The following GLB1 variants were observed in gnomAD, a reference collection of about 807,000 sequenced individuals.
GLB1 encodes beta-galactosidase.
Under a neutral mutation model 74.0 loss-of-function variants are expected in GLB1, and 56 were observed. The ratio of observed to expected loss-of-function variants is 0.76; its 90% confidence interval spans 0.61 to 0.94. The LOEUF is 0.94. Among genes scored for constraint, GLB1 ranks in the 40% least tolerant of loss-of-function variants. GLB1 has a pLI of 0.00. For synonymous variants in GLB1, 323 were observed against 323.6 expected (o/e 1.00, Z 0.02); for missense variants, 787 against 845.5 (o/e 0.93, Z 0.86).
chr3:33,053,186 A>G (rs565750557), intron 7 of GLB1, among the ~76,000 whole-genome samples: 1 of 152,208 alleles, frequency 6.6e-6, no homozygotes, highest in Admixed American at 6.5e-5. Flanking sequence ...AATGGAGACA[A>G]TAAGACCACT....
chr3:33,068,373 G>A, intron 3 of GLB1, 83 bp from the exon 4 acceptor site: 1 of 1,572,200 alleles, frequency 6.4e-7, no homozygotes, highest in Non-Finnish European at 8.6e-7. Flanking sequence ...TAGTAGTTAT[G>A]GAAAAGAATA....
intron 15 of GLB1, among the ~76,000 whole-genome samples, chr3:33,005,237 A>G (rs1696739559): frequency 6.6e-6 from 1 of 152,192 alleles, no homozygotes; most frequent in African/African-American, 2.4e-5. Flanking sequence ...AGACACTCCT[A>G]CCACTCAGAA....
intron 15 of GLB1, among the ~76,000 whole-genome samples, chr3:33,006,032 T>C (rs910772932): frequency 7.2e-5 from 11 of 152,348 alleles, no homozygotes; most frequent in African/African-American, 2.4e-4. Context: ...GTCATGCACC[T>C]AAACCTACCA....
chr3:33,034,726 G>C, intron 10 of GLB1: 1 of 700,434 alleles, frequency 1.4e-6, no homozygotes, highest in African/African-American at 1.8e-5. Flanking sequence ...TGGTTGATGG[G>C]CAGTGGGTGT....
chr3:33,020,358 T>C (rs1697416255), intron 12 of GLB1, among the ~76,000 whole-genome samples: 1 of 152,138 alleles, frequency 6.6e-6, no homozygotes, highest in African/African-American at 2.4e-5. Flanking sequence ...CCACAGAAAA[T>C]CAGAAAGGAG....
chr3:33,060,268 A>G (rs528311004), intron 5 of GLB1, among the ~76,000 whole-genome samples: 149 of 152,354 alleles, frequency 9.8e-4, no homozygotes, highest in African/African-American at 3.5e-3. Context: ...ACGCATGCCC[A>G]GGACAGAGAC....
At chr3:33,038,252 G>GT (rs1230638262) in intron 10 of GLB1, among the ~76,000 whole-genome samples, 4 of 152,170 alleles carry the variant, frequency 2.6e-5, no homozygotes, top group Non-Finnish European at 4.4e-5. Context: ...CACGGAAATT[G>GT]TAAGACTGGT....
At chr3:33,049,903 TCTC>T (rs1322549977) in intron 9 of GLB1, among the ~76,000 whole-genome samples, 2 of 152,118 alleles carry the variant, frequency 1.3e-5, no homozygotes, top group Admixed American at 6.6e-5. Flanking sequence ...AGCGATGTCT[TCTC>T]CTAGCCCATC....
At chr3:32,984,617 A>C in the GLB1 span, among the ~76,000 whole-genome samples, 2 of 151,754 alleles carry the variant, frequency 1.3e-5, no homozygotes, top group African/African-American at 4.8e-5. Context: ...GTTTCCATTA[A>C]AAATTTAAAA....
chr3:33,040,552 C>A (rs139779274), intron 10 of GLB1, among the ~76,000 whole-genome samples: 68 of 151,958 alleles, frequency 4.5e-4, no homozygotes, highest in African/African-American at 1.6e-3. Flanking sequence ...GTTGAGGCTG[C>A]AGTGAGCCAG....
At chr3:33,081,050 G>A (rs1700306362) in intron 1 of GLB1, among the ~76,000 whole-genome samples, 1 of 152,214 alleles carries the variant, frequency 6.6e-6, no homozygotes, top group Non-Finnish European at 1.5e-5. Flanking sequence ...CCTGGAGCGG[G>A]GCAGAGGTGG....
At chr3:32,991,889 G>A (rs960036001), downstream of GLB1, among the ~76,000 whole-genome samples, 12 of 152,210 alleles carry the variant, frequency 7.9e-5, no homozygotes, top group Non-Finnish European at 1.3e-4. Context: ...CCATAGAATC[G>A]TGTGCATAAC....
chr3:33,048,544 G>A (rs1339768109), intron 9 of GLB1, among the ~76,000 whole-genome samples: 1 of 152,238 alleles, frequency 6.6e-6, no homozygotes, highest in African/African-American at 2.4e-5. Flanking sequence ...GCAGGTGCAT[G>A]TTCCTGTGGG....
intron 10 of GLB1, among the ~76,000 whole-genome samples, chr3:33,033,525 G>A (rs1341482361): frequency 6.6e-6 from 1 of 152,164 alleles, no homozygotes; most frequent in African/African-American, 2.4e-5. Context: ...GCTCACGCCT[G>A]TAATCCCAAC....
chr3:33,046,426 C>T (rs1463204696), intron 9 of GLB1, among the ~76,000 whole-genome samples, 194 bp from the exon 10 acceptor site: 4 of 152,026 alleles, frequency 2.6e-5, no homozygotes. Context: ...GTAGCAGTTA[C>T]CAGGCACCTT....
chr3:33,056,967 G>C (rs1699248770), intron 6 of GLB1, among the ~76,000 whole-genome samples: 1 of 152,234 alleles, frequency 6.6e-6, no homozygotes, highest in African/African-American at 2.4e-5. Context: ...ACATTTAGCT[G>C]TTGATATGGT....
chr3:33,029,732 A>G (rs764102258), intron 10 of GLB1, among the ~76,000 whole-genome samples: 1 of 152,168 alleles, frequency 6.6e-6, no homozygotes, highest in Non-Finnish European at 1.5e-5. Context: ...ATTCTCACTT[A>G]TAAGTGGGAG....
At chr3:32,976,202 G>T in the GLB1 span, among the ~76,000 whole-genome samples, 14 of 152,220 alleles carry the variant, frequency 9.2e-5, no homozygotes, top group East Asian at 2.7e-3. Flanking sequence ...CCACATACTG[G>T]GCCATGTCTC....
intron 10 of GLB1, among the ~76,000 whole-genome samples, chr3:33,042,714 C>CT (rs763025170): frequency 3.2e-4 from 48 of 152,194 alleles, no homozygotes; most frequent in Non-Finnish European, 6.2e-4. Flanking sequence ...CCACACTGGC[C>CT]TCCTTGCTAG....
Sources: allele counts gnomAD v4.1 joint callset (sites outside exome capture counted in the v4.1 genomes callset), GRCh38; gene constraint gnomAD v4.1.1; transcripts MANE v1.5; gene names NCBI Gene and HGNC (gene_info 2026-07-23, HGNC 2026-07-21).